The following ADGRL3 variants were observed in gnomAD, a reference collection of about 807,000 sequenced individuals.
ADGRL3 encodes adhesion G protein-coupled receptor L3.
In ADGRL3, 62 loss-of-function variants were observed where a neutral mutation model predicts 153.5. The ratio of observed to expected loss-of-function variants is 0.40; its 90% confidence interval spans 0.33 to 0.50. The LOEUF (loss-of-function observed/expected upper bound fraction) is 0.50, where lower values mean the gene tolerates loss of function less well. Among genes scored for constraint, ADGRL3 ranks in the 20% least tolerant of loss-of-function variants. The pLI, the probability that ADGRL3 is intolerant of heterozygous loss-of-function variation, is 0.47. For synonymous variants in ADGRL3, 710 were observed against 672.5 expected (o/e 1.06, Z -0.86); for missense variants, 1,641 against 1,859.4 (o/e 0.88, Z 2.16).
chr4:61,656,634 G>A (rs2094450220), intron 5 of ADGRL3, among the ~76,000 whole-genome samples: 1 of 152,068 alleles, frequency 6.6e-6, no homozygotes, highest in Non-Finnish European at 1.5e-5. Context: ...TTTTACAAAA[G>A]GTATTTGTGT....
chr4:61,621,480 A>G (rs1464339443), intron 5 of ADGRL3, among the ~76,000 whole-genome samples: 1 of 152,214 alleles, frequency 6.6e-6, no homozygotes, highest in Non-Finnish European at 1.5e-5. Flanking sequence ...TAAATTGGTA[A>G]AAACCTGAAT....
chr4:61,996,489 A>G (rs879257869), intron 20 of ADGRL3, 132 bp downstream of exon 20: 10 of 645,890 alleles, frequency 1.5e-5, no homozygotes, highest in Admixed American at 5.5e-5. Flanking sequence ...TACATAATTC[A>G]AGCAATTAAA....
chr4:61,276,007 C>T (rs552272681), intron 1 of ADGRL3, among the ~76,000 whole-genome samples: 1 of 152,248 alleles, frequency 6.6e-6, no homozygotes, highest in East Asian at 1.9e-4. Context: ...CATCAGAGTT[C>T]ATGATATAAG....
At chr4:62,000,351 T>C (rs1373951549) in intron 21 of ADGRL3, among the ~76,000 whole-genome samples, 1 of 151,986 alleles carries the variant, frequency 6.6e-6, no homozygotes, top group Non-Finnish European at 1.5e-5. Context: ...TTTAGTACTG[T>C]CACATAGTTT....
chr4:61,882,980 G>A (rs780117206), intron 9 of ADGRL3, among the ~76,000 whole-genome samples: 36 of 152,120 alleles, frequency 2.4e-4, no homozygotes, highest in Non-Finnish European at 1.2e-4. Flanking sequence ...GCTGGGCATG[G>A]TGGCAGGTAC....
chr4:61,394,270 G>T (rs963269414), intron 2 of ADGRL3, among the ~76,000 whole-genome samples: 1 of 151,882 alleles, frequency 6.6e-6, no homozygotes, highest in Non-Finnish European at 1.5e-5. Context: ...GTTTAGTAGG[G>T]ACCTAAGTAT....
At position 61,353,913 on chromosome 4, in the gene ADGRL3, T is replaced by A. The variant is rs148328866; in HGVS notation, c.-239-29211T>A. ...AAGTAATAAAATTTACCATACCATT[T>A]CCCTTACCATTTCTATTATCACAGA... On this transcript the variant is annotated intron_variant, in intron 1 of 26. Transcript: ENST00000683033. 3.7e-3 allele frequency among the ~76,000 whole-genome samples: 568 copies of A among 152,240 alleles called. 6 individuals carry two copies. Among genetic ancestry groups the A allele is most frequent in the African/African-American group, 0.013 (552 of 41,530 alleles).
intron 8 of ADGRL3, among the ~76,000 whole-genome samples, chr4:61,780,334 T>C (rs1222963786): frequency 2.6e-5 from 4 of 152,132 alleles, no homozygotes; most frequent in Non-Finnish European, 5.9e-5. Flanking sequence ...ATTAACACAG[T>C]GAGAAGAGCA....
chr4:61,290,779 A>C lies in ADGRL3; in HGVS notation c.-240+89014A>C, dbSNP rs1325505227. ...AGGAAGGAAATTAATTTTAGTCTTC[A>C]TATGTTCTTTTATTTACAATGTGTT... On this transcript the variant is annotated intron_variant, in intron 1 of 26. Coordinates refer to ENST00000683033, the MANE Select transcript of ADGRL3 (RefSeq NM_001387552.1). Among the ~76,000 whole-genome samples the C allele has an allele frequency of 5.9e-5, 9 of 152,106 alleles. 1 individual carries two copies. The highest frequency in any genetic ancestry group is 4.6e-4 in the Admixed American group (7 of 15,250).
At chr4:61,619,402 A>G (rs1408887159) in intron 5 of ADGRL3, among the ~76,000 whole-genome samples, 2 of 152,112 alleles carry the variant, frequency 1.3e-5, no homozygotes, top group South Asian at 4.1e-4. Context: ...TTTTCTTTGG[A>G]AGGAGATATT....
chr4:61,598,329 T>C (rs1411605402), intron 5 of ADGRL3, among the ~76,000 whole-genome samples: 1 of 152,154 alleles, frequency 6.6e-6, no homozygotes, highest in Admixed American at 6.5e-5. Flanking sequence ...ATGTAATTTG[T>C]GAAGTACATA....
intron 6 of ADGRL3, among the ~76,000 whole-genome samples, chr4:61,711,693 C>T (rs1390824756): frequency 6.6e-6 from 1 of 151,364 alleles, no homozygotes; most frequent in African/African-American, 2.4e-5. Flanking sequence ...ATACAGAAAA[C>T]AAAAGTGCAC....
At chr4:61,976,816 A>G (rs893220062) in intron 17 of ADGRL3, among the ~76,000 whole-genome samples, 5 of 152,156 alleles carry the variant, frequency 3.3e-5, no homozygotes, top group African/African-American at 1.2e-4. Flanking sequence ...CTTCTTTATA[A>G]ATTACCCAGT....
intron 8 of ADGRL3, among the ~76,000 whole-genome samples, chr4:61,780,590 T>C (rs1293759293): frequency 6.6e-6 from 1 of 152,228 alleles, no homozygotes; most frequent in Non-Finnish European, 1.5e-5. Context: ...TCATGTATGT[T>C]TGTAATTTTC....
chr4:61,663,105 G>T, intron 5 of ADGRL3, among the ~76,000 whole-genome samples: 1 of 152,172 alleles, frequency 6.6e-6, no homozygotes, highest in East Asian at 1.9e-4. Flanking sequence ...CATGGGACAA[G>T]AACTCGGGAC....
chr4:61,491,699 C>T (rs2152782993), intron 2 of ADGRL3, among the ~76,000 whole-genome samples: 1 of 152,228 alleles, frequency 6.6e-6, no homozygotes, highest in African/African-American at 2.4e-5. Context: ...GGATTACAGG[C>T]ATGAGCCACG....
intron 6 of ADGRL3, among the ~76,000 whole-genome samples, chr4:61,708,781 C>A (rs1036480531): frequency 4.6e-5 from 7 of 151,944 alleles, no homozygotes; most frequent in Non-Finnish European, 1.0e-4. Context: ...TCCATTCTTG[C>A]CAGTTCTTAA....
intron 4 of ADGRL3, among the ~76,000 whole-genome samples, chr4:61,560,763 T>C (rs2098791808): frequency 6.6e-6 from 1 of 152,138 alleles, no homozygotes; most frequent in African/African-American, 2.4e-5. Flanking sequence ...CTTCTCCGTC[T>C]ACTTAAGGCC....
At chr4:61,792,498 T>TA (rs1380601646) in intron 8 of ADGRL3, among the ~76,000 whole-genome samples, 1,653 of 90,350 alleles carry the variant, frequency 0.018, 39 homozygotes, top group African/African-American at 0.12. Flanking sequence ...ATTTTATTAT[T>TA]TTTTTTTTTT....
Sources: gnomAD v4.1 joint callset for allele counts (sites outside exome capture counted in the v4.1 genomes callset) on GRCh38, gnomAD v4.1.1 for gene constraint, MANE v1.5 for transcripts, NCBI Gene and HGNC (gene_info 2026-07-23, HGNC 2026-07-21) for gene names.